Variants in CHRNA7 observed in about 807,000 individuals in gnomAD.
The protein encoded by CHRNA7 is neuronal acetylcholine receptor subunit alpha-7.
A neutral mutation model predicts 48.0 loss-of-function variants in CHRNA7; 17 were observed. That is an observed-to-expected ratio of 0.35 (90% CI 0.24 to 0.53). The LOEUF is 0.53. Among genes scored for constraint, CHRNA7 ranks in the 20% least tolerant of loss-of-function variants. The pLI is 0.92. For synonymous variants in CHRNA7, 75 were observed against 242.3 expected, an observed-to-expected ratio of 0.31 and a Z score of 6.41; for missense variants, 155 against 577.7, an observed-to-expected ratio of 0.27 and a Z score of 7.50.
intron 4 of CHRNA7, chr15:32,112,159 G>T: frequency 1.6e-6 from 1 of 608,690 alleles, no homozygotes; most frequent in African/African-American, 1.8e-5. Context: ...ATGTTCTCGG[G>T]GCCTAGTGTT....
intron 4 of CHRNA7, among the ~76,000 whole-genome samples, chr15:32,114,143 C>G (rs58972823): frequency 0.029 from 4,131 of 142,988 alleles, 172 homozygotes; most frequent in African/African-American, 0.097. Context: ...CACACACACA[C>G]AGAGAGAGAG....
At chr15:32,113,417 G>GT (rs767116800) in intron 4 of CHRNA7, among the ~76,000 whole-genome samples, 14 of 152,308 alleles carry the variant, frequency 9.2e-5, no homozygotes, top group Admixed American at 6.5e-4. Flanking sequence ...ATTTCAACAT[G>GT]TGAGTTTGAG....
chr15:32,040,186 G>T (rs1566794839), intron 2 of CHRNA7, among the ~76,000 whole-genome samples: 1 of 151,936 alleles, frequency 6.6e-6, no homozygotes, highest in African/African-American at 2.4e-5. Context: ...GTTGGGTCTT[G>T]TTTTTTGTTC....
chr15:32,043,876 C>T (rs1353658268), intron 2 of CHRNA7, among the ~76,000 whole-genome samples: 2 of 152,110 alleles, frequency 1.3e-5, no homozygotes, highest in Non-Finnish European at 2.9e-5. Flanking sequence ...ACAATTTCTC[C>T]ATGTTTGTTT....
At chr15:32,126,511 G>A (rs1025482817) in intron 4 of CHRNA7, among the ~76,000 whole-genome samples, 4 of 152,316 alleles carry the variant, frequency 2.6e-5, no homozygotes, top group Admixed American at 1.3e-4. Flanking sequence ...GGGTAGCCAC[G>A]ACACAGTCAA....
Position 32,030,586 on chromosome 15 carries a change from G to T in CHRNA7, c.-9G>T, listed in dbSNP as rs1235351832. ...AGCGCGCCGGCTCGCTGCAGCTCCGGGACTCAACATGCGCTGCTCGCCGGG... is the reference window on the plus strand; with the variant it reads ...AGCGCGCCGGCTCGCTGCAGCTCCGTGACTCAACATGCGCTGCTCGCCGGG... On this transcript the variant is annotated 5_prime_UTR_variant, in exon 1 of 10. Transcript: ENST00000306901. 6.5e-7 allele frequency: 1 copy of T among 1,530,376 alleles called. No individual in the cohort carries two copies. Among genetic ancestry groups the T allele is most frequent in the Non-Finnish European group, 8.7e-7 (1 of 1,146,516 alleles). The allele number at this position is 1,530,376 out of a possible 1,614,324, so 94.8% of individuals were successfully genotyped here. A position where few individuals can be genotyped will look rare whatever the true frequency, so the allele number is the denominator to read the frequency against.
At chr15:32,080,607 C>T (rs555287264) in intron 2 of CHRNA7, among the ~76,000 whole-genome samples, 1 of 152,254 alleles carries the variant, frequency 6.6e-6, no homozygotes, top group South Asian at 2.1e-4. Context: ...CAACTCATGC[C>T]AGTCAGAATG....
At chr15:32,030,690 T>C (rs1901773408) in intron 1 of CHRNA7, 41 bp downstream of exon 1, 1 of 1,553,898 alleles carries the variant, frequency 6.4e-7, no homozygotes, top group South Asian at 1.2e-5. Flanking sequence ...CTCCGTGGGA[T>C]CCCGGGCACA....
intron 2 of CHRNA7, among the ~76,000 whole-genome samples, chr15:32,081,589 G>T (rs920157771): frequency 1.4e-4 from 22 of 151,974 alleles, no homozygotes; most frequent in African/African-American, 5.3e-4. Flanking sequence ...TTTATGAATA[G>T]CTTATTCCTG....
chr15:32,098,449 T>C (rs1158018728), intron 2 of CHRNA7, among the ~76,000 whole-genome samples: 1 of 147,320 alleles, frequency 6.8e-6, no homozygotes, highest in Non-Finnish European at 1.5e-5. Context: ...CAGAACCTCT[T>C]TGAGAAGGGG....
chr15:32,081,833 TCTTC>T (rs957997539), intron 2 of CHRNA7, among the ~76,000 whole-genome samples: 3 of 152,176 alleles, frequency 2.0e-5, no homozygotes, highest in Non-Finnish European at 2.9e-5. Context: ...TTCTCTCCAC[TCTTC>T]CTTCTTTTAA....
intron 3 of CHRNA7, among the ~76,000 whole-genome samples, chr15:32,108,754 T>C (rs1296494040): frequency 6.6e-6 from 1 of 152,110 alleles, no homozygotes; most frequent in African/African-American, 2.4e-5. Flanking sequence ...GAAATCTCTC[T>C]CTCTTTTTTT....
intron 2 of CHRNA7, among the ~76,000 whole-genome samples, chr15:32,082,955 T>A (rs1514263): frequency 0.81 from 122,730 of 152,082 alleles, 50,890 homozygotes; most frequent in Non-Finnish European, 0.91. Flanking sequence ...GCCAACATGA[T>A]GAAACACTGT....
chr15:32,039,214 T>C (rs1401246071), intron 2 of CHRNA7, among the ~76,000 whole-genome samples: 1 of 152,182 alleles, frequency 6.6e-6, no homozygotes, highest in Non-Finnish European at 1.5e-5. Context: ...AAAACAGATT[T>C]TGTTTTTGTT....
chr15:32,150,074 C>T (rs1595504922), intron 4 of CHRNA7, among the ~76,000 whole-genome samples: 1 of 152,054 alleles, frequency 6.6e-6, no homozygotes, highest in East Asian at 1.9e-4. Context: ...TTATTAGAGA[C>T]AGGGTCTCGC....
chr15:32,121,398 A>T (rs2050967833), intron 4 of CHRNA7, among the ~76,000 whole-genome samples: 1 of 152,164 alleles, frequency 6.6e-6, no homozygotes, highest in South Asian at 2.1e-4. Context: ...AAGTCATCTA[A>T]AATTACTCTG....
chr15:32,066,921 AG>A (rs1052304824), intron 2 of CHRNA7, among the ~76,000 whole-genome samples: 4 of 152,164 alleles, frequency 2.6e-5, no homozygotes, highest in African/African-American at 9.7e-5. Context: ...GTTTCAATAA[AG>A]GATTCGAACA....
intron 2 of CHRNA7, among the ~76,000 whole-genome samples, chr15:32,038,962 ATTGT>A (rs2049399906): frequency 6.6e-6 from 1 of 152,134 alleles, no homozygotes; most frequent in Non-Finnish European, 1.5e-5. Context: ...GCCCATTCAA[ATTGT>A]TTATTTCTTC....
rs747048209 is a variant in CHRNA7 at position 32,149,458 on chromosome 15, T to C, written c.351-4449T>C. ...GAGGTTCTTCATTTCCCACCTCAGA[T>C]CACTGTTTTCAAACTCAGTTTTCAG... On this transcript the variant is annotated intron_variant, in intron 4 of 9. Coordinates refer to ENST00000306901, the MANE Select transcript of CHRNA7 (RefSeq NM_000746.6). This position sits in a 1 kb window ranked among gnomAD's most constrained non-coding sequence, Gnocchi z 4.6. 1.3e-5 allele frequency among the ~76,000 whole-genome samples: 2 copies of C among 152,206 alleles called. No homozygotes were observed. Among genetic ancestry groups the C allele is most frequent in the Non-Finnish European group, 2.9e-5 (2 of 68,040 alleles).
Sources: allele counts gnomAD v4.1 joint callset (sites outside exome capture counted in the v4.1 genomes callset), GRCh38; gene constraint gnomAD v4.1.1; non-coding constraint Gnocchi (gnomAD v3.1); transcripts MANE v1.5; gene names NCBI Gene and HGNC (gene_info 2026-07-23, HGNC 2026-07-21).